Variants in P4HA3 observed in about 807,000 individuals in gnomAD.
P4HA3 encodes the protein prolyl 4-hydroxylase subunit alpha 3.
In P4HA3, 60 loss-of-function variants were observed where a neutral mutation model predicts 66.7. The observed-to-expected ratio is 0.90, with a 90% confidence interval of 0.73 to 1.12. The LOEUF (loss-of-function observed/expected upper bound fraction) is 1.12, where lower values mean the gene tolerates loss of function less well. Ranked by LOEUF, P4HA3 falls within the 50% of genes most tolerant of loss-of-function variation. The pLI, the probability that P4HA3 is intolerant of heterozygous loss-of-function variation, is 0.00. For synonymous variants in P4HA3, 263 were observed against 274.6 expected, an observed-to-expected ratio of 0.96 and a Z score of 0.42; for missense variants, 683 against 685.8, an observed-to-expected ratio of 1.00 and a Z score of 0.05.
intron 15 of P4HA3, chr11:74,252,598 AT>A (rs1859731671): frequency 4.4e-6 from 2 of 451,806 alleles, no homozygotes; most frequent in Non-Finnish European, 8.9e-6. Context: ...TTTGAGGTGG[AT>A]AATTCTTCAT....
At chr11:74,258,729 G>T (rs940108150) in intron 15 of P4HA3, among the ~76,000 whole-genome samples, 1 of 152,188 alleles carries the variant, frequency 6.6e-6, no homozygotes, top group Non-Finnish European at 1.5e-5. Flanking sequence ...TCCAAGCTCA[G>T]TTCAGCCTCC....
At chr11:74,274,201 CTT>C (rs1168129957) in intron 9 of P4HA3, among the ~76,000 whole-genome samples, 2 of 152,044 alleles carry the variant, frequency 1.3e-5, no homozygotes, top group Non-Finnish European at 2.9e-5. Context: ...CACTTATCTG[CTT>C]TCTCTCTATA....
chr11:74,286,438 C>T (rs747557576), intron 5 of P4HA3, 47 bp from the exon 6 acceptor site: 17 of 1,479,044 alleles, frequency 1.1e-5, no homozygotes, highest in Non-Finnish European at 1.5e-5. Context: ...TTAACAAATA[C>T]TGGCCCCAGG....
intron 4 of P4HA3, among the ~76,000 whole-genome samples, chr11:74,296,033 G>A (rs1861201301): frequency 6.6e-6 from 1 of 152,134 alleles, no homozygotes; most frequent in African/African-American, 2.4e-5. Context: ...AGTTTCTTTG[G>A]AAATAGGTAC....
intron 4 of P4HA3, among the ~76,000 whole-genome samples, chr11:74,293,450 A>G (rs769568414): frequency 2.0e-5 from 3 of 152,152 alleles, no homozygotes; most frequent in Non-Finnish European, 4.4e-5. Context: ...ATTTACATTT[A>G]AGGTTAATAT....
intron 4 of P4HA3, among the ~76,000 whole-genome samples, chr11:74,295,306 C>G (rs1443085464): frequency 6.6e-6 from 1 of 152,166 alleles, no homozygotes; most frequent in Non-Finnish European, 1.5e-5. Flanking sequence ...AATTAACTCT[C>G]CCTGCAGCCA....
chr11:74,294,270 G>T (rs554451398), intron 4 of P4HA3, among the ~76,000 whole-genome samples: 1 of 152,156 alleles, frequency 6.6e-6, no homozygotes, highest in Non-Finnish European at 1.5e-5. Flanking sequence ...TCGTCACGTA[G>T]CTCTCGTGCC....
intron 15 of P4HA3, among the ~76,000 whole-genome samples, chr11:74,255,331 C>A (rs1340760441): frequency 1.3e-5 from 2 of 152,218 alleles, no homozygotes; most frequent in African/African-American, 4.8e-5. Flanking sequence ...ATCCCACAGC[C>A]AGTGCCCTAG....
intron 4 of P4HA3, among the ~76,000 whole-genome samples, chr11:74,297,955 A>G (rs758093103): frequency 2.6e-5 from 4 of 152,238 alleles, no homozygotes; most frequent in Non-Finnish European, 4.4e-5. Context: ...AAAGTAGTCA[A>G]TGCATTGGAA....
chr11:74,280,711 C>T (rs1423339011), intron 7 of P4HA3, among the ~76,000 whole-genome samples: 1 of 152,178 alleles, frequency 6.6e-6, no homozygotes, highest in Non-Finnish European at 1.5e-5. Context: ...CTTAAAGGTA[C>T]TCACAGGGCT....
downstream of P4HA3, among the ~76,000 whole-genome samples, chr11:74,265,275 A>G (rs545489574): frequency 6.6e-6 from 1 of 152,282 alleles, no homozygotes; most frequent in Admixed American, 6.5e-5. Flanking sequence ...GAGTAGTGGC[A>G]GTAATTTAGT....
intron 11 of P4HA3, 148 bp from the exon 12 acceptor site, chr11:74,268,389 G>A (rs1860071311): frequency 1.5e-6 from 1 of 670,570 alleles, no homozygotes; most frequent in Non-Finnish European, 2.6e-6. Context: ...GCACAAAATG[G>A]CATAAGTTGC....
chr11:74,263,548 T>A (rs1032232456), downstream of P4HA3, among the ~76,000 whole-genome samples: 8 of 152,250 alleles, frequency 5.3e-5, no homozygotes, highest in Non-Finnish European at 1.0e-4. Flanking sequence ...TATACTTGGA[T>A]GACTTCAGGC....
chr11:74,253,724 A>G (rs1034260355), intron 15 of P4HA3: 2 of 618,604 alleles, frequency 3.2e-6, no homozygotes, highest in South Asian at 3.9e-5. Context: ...TCCCCAGTCC[A>G]GGGCTCCCCT....
In P4HA3 at chr11:74,298,203, C is replaced by G; in HGVS notation, c.717+9G>C. On this transcript the variant is annotated intron_variant, in intron 4 of 12. Coordinates refer to ENST00000331597, the MANE Select transcript of P4HA3 (RefSeq NM_182904.5). ...TAATAAAAGCAGTGAGCTTCACTTA[C>G]TCCCTTACCCGGAAATAAGCAAAGG... 2 of 1,612,194 alleles carry G rather than the reference C, an allele frequency of 1.2e-6. No individual in the cohort carries two copies. Among genetic ancestry groups the G allele is most frequent in the Non-Finnish European group, 1.7e-6 (2 of 1,179,028 alleles).
intron 8 of P4HA3, among the ~76,000 whole-genome samples, 157 bp from the exon 9 acceptor site, chr11:74,277,301 C>T (rs1860434061): frequency 2.0e-5 from 3 of 152,112 alleles, no homozygotes; most frequent in Admixed American, 1.3e-4. Context: ...GACATAAATG[C>T]CTAATTACCT....
At position 74,296,379 on chromosome 11, in the gene P4HA3, T is replaced by G. The variant is rs557162546; in HGVS notation, c.717+1833A>C. Among the ~76,000 whole-genome samples the G allele has an allele frequency of 3.9e-5, 6 of 152,322 alleles. No individual in the cohort carries two copies. In the East Asian group the frequency reaches 1.2e-3, roughly 29 times the overall value. On this transcript the variant is annotated intron_variant, in intron 4 of 12. Coordinates refer to ENST00000331597, the MANE Select transcript of P4HA3 (RefSeq NM_182904.5). ...TATTAAAATTTTTTTTACTAAAATA[T>G]ATAATGAAATAAAATACATTAAATT...
At chr11:74,286,167 T>G in intron 6 of P4HA3, 61 bp downstream of exon 6, 1 of 1,567,986 alleles carries the variant, frequency 6.4e-7, no homozygotes, top group South Asian at 1.2e-5. Context: ...GTTATCCCAA[T>G]TCTAGCTTCT....
chr11:74,255,882 GAGA>G lies in P4HA3; in HGVS notation c.*1318+4038_*1318+4040del, dbSNP rs1306926283. The G allele has an allele frequency of 3.4e-5, 17 of 503,806 alleles. No homozygotes were observed. In the East Asian group the frequency reaches 8.9e-4, roughly 26 times the overall value. 31.2% of individuals were successfully genotyped at this position (503,806 alleles called of 1,614,324 possible). ...AGTTCATGAGCTCCCTAGTAGAGGA[GAGA>G]AGTTCCTTATGTGTGGTTTGATTTC... On this transcript the variant is annotated intron_variant and NMD_transcript_variant, in intron 15 of 15. Transcript: ENST00000524388.
Sources: gnomAD v4.1 joint callset for allele counts (sites outside exome capture counted in the v4.1 genomes callset) on GRCh38, gnomAD v4.1.1 for gene constraint, MANE v1.5 for transcripts, NCBI Gene and HGNC (gene_info 2026-07-23, HGNC 2026-07-21) for gene names.